PTPRN2: variants seen among roughly 807,000 people sequenced by gnomAD.
PTPRN2 encodes the protein protein tyrosine phosphatase receptor type N2, also known as receptor-type tyrosine-protein phosphatase N2.
A neutral mutation model predicts 118.8 loss-of-function variants in PTPRN2; 74 were observed. The ratio of observed to expected loss-of-function variants is 0.62; its 90% confidence interval spans 0.52 to 0.76. The LOEUF (loss-of-function observed/expected upper bound fraction) is 0.76, where lower values mean the gene tolerates loss of function less well. Among genes scored for constraint, PTPRN2 ranks in the 30% least tolerant of loss-of-function variants. The probability of loss-of-function intolerance (pLI) is 0.00; values close to 1 mark genes in which losing one functional copy is unlikely to be tolerated. For missense variants in PTPRN2, 1,481 were observed against 1,394.4 expected (o/e 1.06, Z -0.99); for synonymous variants, 641 against 608.0 (o/e 1.05, Z -0.80).
intron 11 of PTPRN2, among the ~76,000 whole-genome samples, chr7:158,034,798 T>G (rs893903933): frequency 5.9e-5 from 9 of 152,158 alleles, no homozygotes; most frequent in Admixed American, 5.9e-4. Context: ...CCTGGGCCAC[T>G]TGGGGTGTAA....
At chr7:158,258,888 C>G (rs570526066) in intron 3 of PTPRN2, among the ~76,000 whole-genome samples, 12 of 152,202 alleles carry the variant, frequency 7.9e-5, no homozygotes, top group Non-Finnish European at 1.5e-4. Flanking sequence ...ACGAGGCCTG[C>G]ACTGCGTGGT....
In PTPRN2 at chr7:157,629,850, T is replaced by C. The variant is rs1481915900; in HGVS notation, c.2197-8341A>G. Among the ~76,000 whole-genome samples, 1 of 152,258 alleles carries C rather than the reference T, an allele frequency of 6.6e-6. No individual in the cohort carries two copies. Among genetic ancestry groups the C allele is most frequent in the Non-Finnish European group, 1.5e-5 (1 of 68,042 alleles). On this transcript the variant is annotated intron_variant, in intron 14 of 22. Transcript: ENST00000389418. The surrounding 1 kb of genome is among the most constrained non-coding windows in gnomAD (Gnocchi z 4.4). The stretch of plus-strand genomic sequence containing the variant: ...TCAAACCTTTTGTTAAAACGAATAA[T>C]AGAATCCCTTTACATTTTCCTTCTT...
chr7:157,618,297 C>G lies in PTPRN2; in HGVS notation c.2344+3065G>C, dbSNP rs2052016. ...GCACGCGGAAAGGACGCGGTGGGAG[C>G]GGCAGGTGCAGAGGGAGGACTTGAA... is the stretch of plus-strand genomic sequence containing the variant. On this transcript the variant is annotated intron_variant, in intron 15 of 22. Coordinates refer to ENST00000389418, the MANE Select transcript of PTPRN2 (RefSeq NM_002847.5). The surrounding 1 kb of genome is among the most constrained non-coding windows in gnomAD (Gnocchi z 4.2). 6.6e-6 allele frequency: 1 copy of G among 152,282 alleles called. No individual in the cohort carries two copies. Among genetic ancestry groups the G allele is most frequent in the African/African-American group, 2.4e-5 (1 of 41,448 alleles). 9.4% of individuals were successfully genotyped at this position (152,282 alleles called of 1,614,324 possible). A position where few individuals can be genotyped will look rare whatever the true frequency, so the allele number is the denominator to read the frequency against.
chr7:157,866,211 G>T (rs1810656375), intron 12 of PTPRN2: 1 of 152,204 alleles, frequency 6.6e-6, no homozygotes, highest in Non-Finnish European at 1.5e-5. Flanking sequence ...ATGAGCCGGG[G>T]CTCAAATCCC....
At chr7:157,811,163 C>T (rs181630031) in intron 12 of PTPRN2, among the ~76,000 whole-genome samples, 1,513 of 150,940 alleles carry the variant, frequency 0.01, 11 homozygotes, top group Admixed American at 0.018. Flanking sequence ...CCCAGCTACT[C>T]GGGAGGCTGA....
chr7:157,594,690 C>T (rs1037702253), intron 17 of PTPRN2, among the ~76,000 whole-genome samples: 31 of 152,170 alleles, frequency 2.0e-4, no homozygotes, highest in Non-Finnish European at 5.9e-5. Context: ...AGGGGAGACC[C>T]GGGGGCAGCT....
At chr7:158,284,251 G>A (rs890185981) in intron 3 of PTPRN2, among the ~76,000 whole-genome samples, 1 of 152,180 alleles carries the variant, frequency 6.6e-6, no homozygotes, top group African/African-American at 2.4e-5. Context: ...AACAGCTGGT[G>A]GGCACTGGGC....
intron 11 of PTPRN2, among the ~76,000 whole-genome samples, chr7:157,920,950 T>C (rs1341429416): frequency 6.6e-6 from 1 of 152,184 alleles, no homozygotes; most frequent in Non-Finnish European, 1.5e-5. Flanking sequence ...ATATTATTAG[T>C]ATATGACCCA....
At chr7:158,235,029 T>G (rs935274711) in intron 3 of PTPRN2, among the ~76,000 whole-genome samples, 2 of 152,188 alleles carry the variant, frequency 1.3e-5, no homozygotes, top group Non-Finnish European at 2.9e-5. Context: ...CCCAAAGTGA[T>G]GGGATTACAG....
chr7:157,792,113 G>GC (rs1211502139), intron 12 of PTPRN2, among the ~76,000 whole-genome samples: 1 of 152,152 alleles, frequency 6.6e-6, no homozygotes, highest in Admixed American at 6.5e-5. Context: ...GCCTTATGAA[G>GC]CCCCCTCCCC....
chr7:157,765,815 CCAT>C (rs1251712768), intron 12 of PTPRN2, among the ~76,000 whole-genome samples: 2 of 150,994 alleles, frequency 1.3e-5, no homozygotes, highest in African/African-American at 4.9e-5. Flanking sequence ...ACTCACCCAT[CCAT>C]CATCCATTCT....
intron 3 of PTPRN2, among the ~76,000 whole-genome samples, chr7:158,259,710 T>G (rs904933038): frequency 6.7e-6 from 1 of 148,602 alleles, no homozygotes; most frequent in East Asian, 2.1e-4. Context: ...GTGTCCCGGG[T>G]GTACAGGTAT....
At chr7:157,644,163 TAAA>T (rs757104146) in intron 14 of PTPRN2, among the ~76,000 whole-genome samples, 2 of 152,158 alleles carry the variant, frequency 1.3e-5, no homozygotes, top group Non-Finnish European at 2.9e-5. Context: ...ATGATGGAGT[TAAA>T]ATGAGGCCAC....
intron 2 of PTPRN2, among the ~76,000 whole-genome samples, chr7:158,331,906 C>G (rs1804538169): frequency 6.7e-6 from 1 of 150,076 alleles, no homozygotes; most frequent in Non-Finnish European, 1.5e-5. Flanking sequence ...CACACTCTCA[C>G]CATAAGAGCT....
intron 14 of PTPRN2, among the ~76,000 whole-genome samples, chr7:157,644,861 C>T (rs1009533289): frequency 6.6e-6 from 1 of 152,186 alleles, no homozygotes; most frequent in South Asian, 2.1e-4. Context: ...ACTGTCTGCT[C>T]TGAGCTACAA....
At chr7:157,820,066 C>G (rs1207015647) in intron 12 of PTPRN2, among the ~76,000 whole-genome samples, 1 of 150,792 alleles carries the variant, frequency 6.6e-6, no homozygotes, top group African/African-American at 2.4e-5. Context: ...ACACATACAG[C>G]AGATCCACAA....
chr7:157,882,000 G>A lies in PTPRN2; in HGVS notation c.1788+16673C>T, dbSNP rs116089996. 4.4e-3 allele frequency among the ~76,000 whole-genome samples: 664 copies of A among 150,980 alleles called. 9 individuals are homozygous for A. The highest frequency in any genetic ancestry group is 0.015 in the African/African-American group (622 of 41,082). ...ACATGCCACCCCAAAAACAACTGTCGAAGAACAGAACATGCTGCCCCAAAA... is the reference window on the plus strand; with the variant it reads ...ACATGCCACCCCAAAAACAACTGTCAAAGAACAGAACATGCTGCCCCAAAA... On this transcript the variant is annotated intron_variant, in intron 12 of 22. Coordinates refer to ENST00000389418, the MANE Select transcript of PTPRN2 (RefSeq NM_002847.5). The surrounding 1 kb of genome is among the most constrained non-coding windows in gnomAD (Gnocchi z 4.7).
At chr7:158,121,829 C>T (rs1171195548) in intron 9 of PTPRN2, among the ~76,000 whole-genome samples, 3 of 152,234 alleles carry the variant, frequency 2.0e-5, no homozygotes, top group Non-Finnish European at 4.4e-5. Flanking sequence ...GCAAGGGTGA[C>T]AGTGCCGGCC....
rs1563213140 is a variant in PTPRN2, at chr7:158,372,310, GCTGGTCCCCGGAGCTGGTCCCCCCAA to G, written c.164-55404_164-55379del. ...GGTCCCCGGAGCTGGTCCCCCCAACGCTGGTCCCCGGAGCTGGTCCCCCCAACGCTGGTCCCTGGAGCTGGACACCC... is the reference window on the plus strand; with the variant it reads ...GGTCCCCGGAGCTGGTCCCCCCAACGCGCTGGTCCCTGGAGCTGGACACCC... On this transcript the variant is annotated intron_variant, in intron 2 of 22. Transcript: ENST00000389418. Among the ~76,000 whole-genome samples, 38 of 145,956 alleles carry G rather than the reference GCTGGTCCCCGGAGCTGGTCCCCCCAA, an allele frequency of 2.6e-4. 2 individuals carry two copies. The South Asian group carries it at 8.2e-3, about 32-fold the overall frequency.
Sources: gnomAD v4.1 joint callset for allele counts (sites outside exome capture counted in the v4.1 genomes callset) on GRCh38, gnomAD v4.1.1 for gene constraint, Gnocchi (gnomAD v3.1) non-coding constraint, MANE v1.5 for transcripts, NCBI Gene and HGNC (gene_info 2026-07-23, HGNC 2026-07-21) for gene names.